The following CLIP2 variants were observed in gnomAD, a reference collection of about 807,000 sequenced individuals.
CLIP2 encodes the protein CAP-Gly domain-containing linker protein 2.
CLIP2 carries 41 observed loss-of-function variants against 111.7 expected under a neutral mutation model. The ratio of observed to expected loss-of-function variants is 0.37; its 90% confidence interval spans 0.29 to 0.48. The LOEUF (loss-of-function observed/expected upper bound fraction) is 0.48, where lower values mean the gene tolerates loss of function less well. CLIP2 is among the 20% of genes least tolerant of loss of function. The probability of loss-of-function intolerance (pLI) is 0.99; values close to 1 mark genes in which losing one functional copy is unlikely to be tolerated. For missense variants in CLIP2, 1,160 were observed against 1,422.1 expected, an observed-to-expected ratio of 0.82 and a Z score of 2.96; for synonymous variants, 660 against 644.2, an observed-to-expected ratio of 1.02 and a Z score of -0.37.
chr7:74,321,347 G>A (rs377437241), intron 2 of CLIP2, among the ~76,000 whole-genome samples: 152 of 152,248 alleles, frequency 1.0e-3, no homozygotes, highest in African/African-American at 3.5e-3. Flanking sequence ...GTGAAGGATG[G>A]ACCATGTTTA....
chr7:74,371,684 C>CGGGGG (rs111521730), intron 8 of CLIP2, among the ~76,000 whole-genome samples: 1 of 100,272 alleles, frequency 1.0e-5, no homozygotes, highest in African/African-American at 4.2e-5. Flanking sequence ...GGGAGAGAGA[C>CGGGGG]GGGGGGGAGA....
chr7:74,317,666 A>T lies in CLIP2; in HGVS notation c.120A>T (p.Glu40Asp), dbSNP rs1554729322. ...CGGCGGTGGCCGCTAGCTCCAAGGA[A>T]GGTACGTGGCACACCAAGGATGGGG... is the stretch of plus-strand genomic sequence containing the variant. Reference protein sequence around the residue: ...SSAAVAASSKEGSPLHKQSSG... With the variant: ...SSAAVAASSKDGSPLHKQSSG... The change falls in exon 2 of 17, where the codon GAA (glutamate) becomes GAT (aspartate). Residue 40 changes from glutamate to aspartate, a missense_variant and splice_region_variant. Glu to Asp is a conservative substitution (Grantham distance 45, BLOSUM62 2). Coordinates refer to ENST00000223398, the MANE Select transcript of CLIP2 (RefSeq NM_003388.5). 3.4e-6 allele frequency: 5 copies of T among 1,479,334 alleles called. No individual in the cohort carries two copies. The Admixed American group carries it at 6.5e-5, about 19-fold the overall frequency. The allele number at this position is 1,479,334 out of a possible 1,614,324, so 91.6% of individuals were successfully genotyped here.
intron 12 of CLIP2, among the ~76,000 whole-genome samples, chr7:74,387,283 C>A (rs1791138627): frequency 6.6e-6 from 1 of 152,100 alleles, no homozygotes; most frequent in Admixed American, 6.6e-5. Flanking sequence ...GGGTTGCACT[C>A]TGTCACCTAG....
At chr7:74,385,344 T>C (rs1791058222) in intron 11 of CLIP2, among the ~76,000 whole-genome samples, 1 of 150,910 alleles carries the variant, frequency 6.6e-6, no homozygotes, top group African/African-American at 2.4e-5. Context: ...CACATGCCTG[T>C]GGTCTCAGCT....
At chr7:74,347,318 G>C (rs574339451) in intron 3 of CLIP2, among the ~76,000 whole-genome samples, 17 of 152,258 alleles carry the variant, frequency 1.1e-4, no homozygotes, top group Admixed American at 9.2e-4. Flanking sequence ...GCCTAGGCTG[G>C]AGTGCAGTGG....
At chr7:74,311,736 C>T (rs1554728527) in intron 1 of CLIP2, among the ~76,000 whole-genome samples, 1 of 151,324 alleles carries the variant, frequency 6.6e-6, no homozygotes, top group Non-Finnish European at 1.5e-5. Flanking sequence ...GTAGCTAGAC[C>T]CAGTCTCTAC....
rs10600630 is a variant in CLIP2 at position 74,364,993 on chromosome 7, T to TTGTGTGTGTG, written c.1380+727_1380+736dup. On this transcript the variant is annotated intron_variant, in intron 8 of 16. Transcript: ENST00000223398. Reference sequence around the variant, plus strand: ...GAGCTATGATTGCGCCTGTTTTTTGTTGTGTGTGTGTGTGTGTGTGTGTGT... The same window carrying TTGTGTGTGTG: ...GAGCTATGATTGCGCCTGTTTTTTGTTGTGTGTGTGTGTGTGTGTGTGTGTGTGTGTGTGT... 3.4e-4 allele frequency: 91 copies of TTGTGTGTGTG among 264,908 alleles called. 1 individual carries two copies. The highest frequency in any genetic ancestry group is 1.1e-3 in the Middle Eastern group (1 of 894). The allele number at this position is 264,908 out of a possible 1,614,324, so 16.4% of individuals were successfully genotyped here. A position where few individuals can be genotyped will look rare whatever the true frequency, so the allele number is the denominator to read the frequency against.
At chr7:74,374,309 C>T (rs1033443546) in intron 9 of CLIP2, among the ~76,000 whole-genome samples, 13 of 152,348 alleles carry the variant, frequency 8.5e-5, no homozygotes, top group Admixed American at 2.6e-4. Flanking sequence ...TGTGCTTGTA[C>T]GGTACACACT....
chr7:74,402,261 C>T (rs999168677), intron 16 of CLIP2, among the ~76,000 whole-genome samples: 1 of 145,794 alleles, frequency 6.9e-6, no homozygotes, highest in African/African-American at 2.5e-5. Context: ...ACCCGGAAGG[C>T]GGAGCTTGCA....
rs1383740318 is a variant in CLIP2, at chr7:74,343,143, G to T, written c.678+4139G>T. Among the ~76,000 whole-genome samples the T allele has an allele frequency of 5.4e-4, 82 of 151,580 alleles. 1 individual carries two copies. Among genetic ancestry groups the T allele is most frequent in the Admixed American group, 2.6e-4 (4 of 15,190 alleles). Reference sequence around the variant, plus strand: ...GCGGAGGTTGCAGTGAGCTGAGATGGTGCGGCTCCACTCCAGCCTGGGCAA... The same window carrying T: ...GCGGAGGTTGCAGTGAGCTGAGATGTTGCGGCTCCACTCCAGCCTGGGCAA... On this transcript the variant is annotated intron_variant, in intron 3 of 16. Transcript: ENST00000223398.
intron 11 of CLIP2, among the ~76,000 whole-genome samples, chr7:74,381,998 C>T (rs996869344): frequency 1.3e-5 from 2 of 152,214 alleles, no homozygotes; most frequent in South Asian, 4.1e-4. Flanking sequence ...TTTGATCAGA[C>T]TTTGTGATCT....
chr7:74,368,187 T>C (rs1421000155), intron 8 of CLIP2, among the ~76,000 whole-genome samples: 7 of 152,074 alleles, frequency 4.6e-5, no homozygotes, highest in Admixed American at 4.6e-4. Context: ...TACTCCAGCC[T>C]GGGCAACAAA....
chr7:74,323,199 C>T (rs1584325162), intron 2 of CLIP2, among the ~76,000 whole-genome samples: 1 of 151,750 alleles, frequency 6.6e-6, no homozygotes, highest in Non-Finnish European at 1.5e-5. Context: ...CAGCCTCGAC[C>T]TCCTGGGCTC....
intron 3 of CLIP2, among the ~76,000 whole-genome samples, chr7:74,348,530 C>T (rs532641429): frequency 9.9e-5 from 15 of 152,094 alleles, no homozygotes; most frequent in African/African-American, 3.6e-4. Context: ...TGGCTCACGC[C>T]TGTAATCCCA....
rs115261692 is a variant in CLIP2, at chr7:74,292,974, G to A, written c.-68+3240G>A. 2.4e-3 allele frequency among the ~76,000 whole-genome samples: 358 copies of A among 152,238 alleles called. 2 individuals carry two copies. Among genetic ancestry groups the A allele is most frequent in the African/African-American group, 8.2e-3 (342 of 41,536 alleles). On this transcript the variant is annotated intron_variant, in intron 1 of 16. Transcript: ENST00000223398. ...ACACGCTATCTAGCTTTTAGGGTCCGCCCCCAGTTGGCTGTATCTTTCCAC... is the reference window on the plus strand; with the variant it reads ...ACACGCTATCTAGCTTTTAGGGTCCACCCCCAGTTGGCTGTATCTTTCCAC...
Position 74,376,224 on chromosome 7 carries a change from G to A in CLIP2, c.1823G>A (p.Gly608Glu). 1 of 1,613,012 alleles carries A rather than the reference G, an allele frequency of 6.2e-7. No individual in the cohort carries two copies. Among genetic ancestry groups the A allele is most frequent in the Non-Finnish European group, 8.5e-7 (1 of 1,179,568 alleles). ...KVQQATSENMGLMDNWKSKLD... is the reference protein window; with the variant it reads ...KVQQATSENMELMDNWKSKLD... Reference sequence around the variant, plus strand: ...CAGCAGGCCACCAGCGAGAACATGGGGCTAATGGACAACTGGAAATCCAAG... The same window carrying A: ...CAGCAGGCCACCAGCGAGAACATGGAGCTAATGGACAACTGGAAATCCAAG... The change falls in exon 10 of 17, where the codon GGG (glycine) becomes GAG (glutamate). Residue 608 changes from glycine to glutamate, a missense_variant. Gly to Glu is a moderately conservative substitution (Grantham distance 98, BLOSUM62 -2). Coordinates refer to ENST00000223398, the MANE Select transcript of CLIP2 (RefSeq NM_003388.5). This position sits in a 1 kb window ranked among gnomAD's most constrained non-coding sequence, Gnocchi z 7.1.
In CLIP2 at chr7:74,376,576, C is replaced by T. The variant is rs868979663; in HGVS notation, c.2175C>T (p.Arg725=). The change falls in exon 10 of 17, where the codon CGC becomes CGT. Residue 725 remains arginine, a synonymous_variant. Transcript: ENST00000223398. This position sits in a 1 kb window ranked among gnomAD's most constrained non-coding sequence, Gnocchi z 7.1. The part of the protein sequence containing the change: ...RLELQEAQDQ[R]RDAELRVHEL... ...AGCTGCAGGAGGCCCAGGACCAGCGCCGGGATGCCGAGCTGCGTGTGCACG... is the reference window on the plus strand; with the variant it reads ...AGCTGCAGGAGGCCCAGGACCAGCGTCGGGATGCCGAGCTGCGTGTGCACG... 6.2e-7 allele frequency: 1 copy of T among 1,610,372 alleles called. No homozygotes were observed. The highest frequency in any genetic ancestry group is 8.5e-7 in the Non-Finnish European group (1 of 1,178,824).
In CLIP2 at chr7:74,389,104, G is replaced by T. The variant is rs782562882; in HGVS notation, c.2565G>T (p.Ala855=). 1 of 1,608,498 alleles carries T rather than the reference G, an allele frequency of 6.2e-7. No individual in the cohort carries two copies. The highest frequency in any genetic ancestry group is 1.1e-5 in the South Asian group (1 of 90,158). The change falls in exon 13 of 17, where the codon GCG becomes GCT. Residue 855 remains alanine (A), a splice_region_variant and synonymous_variant. Transcript: ENST00000223398. ...QTEMLRAQVS[A]LESKCKSGEK... ...CCCTTCCCTGCCGGCTGACCCCAGC[G>T]CTGGAGAGCAAGTGTAAGTCAGGCG...
At chr7:74,394,595 C>T (rs1359434587) in intron 13 of CLIP2, among the ~76,000 whole-genome samples, 4 of 152,222 alleles carry the variant, frequency 2.6e-5, no homozygotes, top group Admixed American at 2.0e-4. Context: ...CTTTGAAGCA[C>T]AGACATCCTT....
Sources: gnomAD v4.1 joint callset for allele counts (sites outside exome capture counted in the v4.1 genomes callset) on GRCh38, gnomAD v4.1.1 for gene constraint, Gnocchi (gnomAD v3.1) non-coding constraint, MANE v1.5 for transcripts, NCBI Gene and HGNC (gene_info 2026-07-23, HGNC 2026-07-21) for gene names.